PKHD1: variants seen among roughly 807,000 people sequenced by gnomAD.
The protein encoded by PKHD1 is PKHD1 ciliary IPT domain containing fibrocystin/polyductin, also known as fibrocystin.
PKHD1 carries 291 observed loss-of-function variants against 412.0 expected under a neutral mutation model. The observed-to-expected ratio is 0.71, with a 90% confidence interval of 0.64 to 0.78. The LOEUF is 0.78. Ranked by LOEUF, PKHD1 falls within the 30% of genes least tolerant of loss-of-function variation. PKHD1 has a pLI of 0.00. For synonymous variants in PKHD1, 1,777 were observed against 1,821.5 expected, an observed-to-expected ratio of 0.98 and a Z score of 0.62; for missense variants, 4,825 against 4,950.7, an observed-to-expected ratio of 0.97 and a Z score of 0.76.
intron 32 of PKHD1, 39 bp downstream of exon 32, chr6:52,024,535 T>C (rs1159443996): frequency 6.3e-7 from 1 of 1,581,324 alleles, no homozygotes; most frequent in Non-Finnish European, 8.7e-7. Flanking sequence ...CCAATTCATT[T>C]ACATAAAGAA....
At chr6:51,955,131 C>A (rs1351905852) in intron 36 of PKHD1, among the ~76,000 whole-genome samples, 1 of 151,960 alleles carries the variant, frequency 6.6e-6, no homozygotes, top group Non-Finnish European at 1.5e-5. Flanking sequence ...CTATTTCCAT[C>A]CCAGCTCATT....
chr6:52,032,357 A>G (rs1429780420), intron 29 of PKHD1, among the ~76,000 whole-genome samples: 1 of 152,192 alleles, frequency 6.6e-6, no homozygotes, highest in Non-Finnish European at 1.5e-5. Flanking sequence ...ATTACATGAT[A>G]ATAAATTATT....
Position 51,906,337 on chromosome 6 carries a change from G to A in PKHD1, c.6686C>T (p.Ser2229Phe). ...SLTLVGAMRE[S>F]FIQGCTVRNS... ...CCTCACTGTGCAGCCCTGTATGAAAGACTCTGAATAGGAAAGAGTAAAGTA... is the reference window on the plus strand; with the variant it reads ...CCTCACTGTGCAGCCCTGTATGAAAAACTCTGAATAGGAAAGAGTAAAGTA... Residue 2229 changes from serine to phenylalanine, a missense_variant, in exon 41 of 67, where the codon TCT (serine) becomes TTT (phenylalanine). Transcript: ENST00000371117. The A allele has an allele frequency of 6.2e-7, 1 of 1,611,054 alleles. No individual in the cohort carries two copies.
intron 22 of PKHD1, among the ~76,000 whole-genome samples, chr6:52,049,679 G>C (rs1405066773): frequency 8.5e-5 from 13 of 152,196 alleles, no homozygotes; most frequent in Non-Finnish European, 1.9e-4. Context: ...TGGGGCTTTA[G>C]TGCCATCTGG....
At position 51,777,870 on chromosome 6, in the gene PKHD1, T is replaced by C. The variant is rs147800920; in HGVS notation, c.8441-1949A>G. Among the ~76,000 whole-genome samples the C allele has an allele frequency of 2.4e-4, 36 of 152,188 alleles. 1 individual carries two copies. The highest frequency in any genetic ancestry group is 1.9e-3 in the East Asian group (10 of 5,180). On this transcript the variant is annotated intron_variant, in intron 53 of 66. Coordinates refer to ENST00000371117, the MANE Select transcript of PKHD1 (RefSeq NM_138694.4). Reference sequence around the variant, plus strand: ...CAACACTGCAGCACATGTGGAGCTTTCGCAGAAAGTCTGGGCAAAATTAGT... The same window carrying C: ...CAACACTGCAGCACATGTGGAGCTTCCGCAGAAAGTCTGGGCAAAATTAGT...
At chr6:51,629,938 T>C (rs1561987094) in intron 65 of PKHD1, among the ~76,000 whole-genome samples, 1 of 152,130 alleles carries the variant, frequency 6.6e-6, no homozygotes. Flanking sequence ...TGGGAAAACT[T>C]GTATCAACTA....
intron 37 of PKHD1, among the ~76,000 whole-genome samples, chr6:51,921,070 C>T (rs1374567698): frequency 6.6e-6 from 1 of 152,042 alleles, no homozygotes; most frequent in Non-Finnish European, 1.5e-5. Flanking sequence ...TTTCAAAAAA[C>T]CAGCTCCTGG....
In PKHD1 at chr6:52,039,306, T is replaced by C. The variant is rs911028264; in HGVS notation, c.3097+3553A>G. Among the ~76,000 whole-genome samples the C allele has an allele frequency of 1.1e-4, 16 of 150,892 alleles. 1 individual carries two copies. Among genetic ancestry groups the C allele is most frequent in the Admixed American group, 1.1e-3 (16 of 15,162 alleles). ...ATATATCAAATTGTAATTCCCAATGTTGGGGAAGGATCCTGGTGGGAGATG... is the reference window on the plus strand; with the variant it reads ...ATATATCAAATTGTAATTCCCAATGCTGGGGAAGGATCCTGGTGGGAGATG... On this transcript the variant is annotated intron_variant, in intron 27 of 66. Coordinates refer to ENST00000371117, the MANE Select transcript of PKHD1 (RefSeq NM_138694.4).
In PKHD1 at chr6:52,054,607, C is replaced by T. The variant is rs557051729; in HGVS notation, c.1837-442G>A. ...AACTCAGTTAAAGGCAAAGCTGTTG[C>T]CACAAGAAGACTTTAGAGCAGGAGT... On this transcript the variant is annotated intron_variant, in intron 19 of 66. Coordinates refer to ENST00000371117, the MANE Select transcript of PKHD1 (RefSeq NM_138694.4). Among the ~76,000 whole-genome samples the T allele has an allele frequency of 8.5e-4, 130 of 152,304 alleles. 1 individual carries two copies. Among genetic ancestry groups the T allele is most frequent in the African/African-American group, 2.9e-3 (122 of 41,562 alleles).
chr6:51,772,837 A>G (rs773436160), intron 54 of PKHD1, 48 bp from the exon 55 acceptor site: 2 of 1,054,734 alleles, frequency 1.9e-6, no homozygotes, highest in South Asian at 2.5e-5. Flanking sequence ...CTTCAGAGGA[A>G]TGAAAGCCAG....
intron 35 of PKHD1, among the ~76,000 whole-genome samples, chr6:52,003,017 G>A (rs890842963): frequency 2.0e-5 from 3 of 152,062 alleles, no homozygotes; most frequent in Admixed American, 6.5e-5. Context: ...CTCAGAGAGT[G>A]TAATGTCTAT....
chr6:51,767,804 T>G (rs1002949690), intron 55 of PKHD1, among the ~76,000 whole-genome samples: 1 of 152,250 alleles, frequency 6.6e-6, no homozygotes, highest in Non-Finnish European at 1.5e-5. Flanking sequence ...TATAGCAGCA[T>G]GATTTATAAT....
chr6:51,786,526 G>A (rs1792879301), intron 53 of PKHD1, among the ~76,000 whole-genome samples: 1 of 152,122 alleles, frequency 6.6e-6, no homozygotes, highest in Non-Finnish European at 1.5e-5. Flanking sequence ...CCTTGGCATA[G>A]TATATCAGGT....
intron 60 of PKHD1, among the ~76,000 whole-genome samples, chr6:51,674,687 G>A (rs919691827): frequency 1.3e-4 from 20 of 152,152 alleles, no homozygotes; most frequent in African/African-American, 4.8e-4. Context: ...TCAGGGTGAT[G>A]ATTTATCCTG....
intron 60 of PKHD1, among the ~76,000 whole-genome samples, chr6:51,736,078 G>A (rs771881506): frequency 3.3e-4 from 50 of 152,276 alleles, no homozygotes; most frequent in African/African-American, 1.1e-3. Context: ...AGTAGAACCC[G>A]TTGATGGCAT....
At chr6:51,853,849 A>G (rs1392596444) in intron 49 of PKHD1, among the ~76,000 whole-genome samples, 1 of 152,094 alleles carries the variant, frequency 6.6e-6, no homozygotes. Flanking sequence ...GCCTCTTTGC[A>G]TTAGGTTAGA....
At chr6:51,935,646 C>T (rs890475713) in intron 36 of PKHD1, among the ~76,000 whole-genome samples, 1 of 152,156 alleles carries the variant, frequency 6.6e-6, no homozygotes, top group Non-Finnish European at 1.5e-5. Context: ...AAAGGTCCCT[C>T]ATGATTTGCT....
At chr6:51,771,277 T>C (rs1251851876) in intron 55 of PKHD1, among the ~76,000 whole-genome samples, 1 of 152,054 alleles carries the variant, frequency 6.6e-6, no homozygotes, top group Non-Finnish European at 1.5e-5. Flanking sequence ...CTCCAACTAA[T>C]ACATTAACTT....
At chr6:51,973,345 C>G (rs954662124) in intron 35 of PKHD1, among the ~76,000 whole-genome samples, 1 of 152,186 alleles carries the variant, frequency 6.6e-6, no homozygotes, top group South Asian at 2.1e-4. Context: ...GCAAAATGCA[C>G]TTTAATCATT....
Sources: allele counts gnomAD v4.1 joint callset (sites outside exome capture counted in the v4.1 genomes callset), GRCh38; gene constraint gnomAD v4.1.1; transcripts MANE v1.5; gene names NCBI Gene and HGNC (gene_info 2026-07-23, HGNC 2026-07-21).